NHS: variants seen among roughly 807,000 people sequenced by gnomAD.
NHS encodes the protein actin remodeling regulator NHS.
In NHS, 5 loss-of-function variants were observed where a neutral mutation model predicts 72.5. The observed-to-expected ratio is 0.07, with a 90% CI of 0.04 to 0.14. NHS has a LOEUF of 0.14. NHS is among the 10% of genes least tolerant of loss of function. NHS has a pLI of 1.00. For synonymous variants in NHS, 464 were observed against 547.7 expected, an observed-to-expected ratio of 0.85 and a Z score of 2.13; for missense variants, 1,072 against 1,355.7, an observed-to-expected ratio of 0.79 and a Z score of 3.29.
chrX:17,401,923 A>G (rs2064504573), intron 1 of NHS, among the ~76,000 whole-genome samples: 1 of 112,110 alleles, frequency 8.9e-6, no homozygotes, highest in Admixed American at 9.5e-5. Context: ...TATCATTTCA[A>G]GGTGCACAAT....
intron 1 of NHS, among the ~76,000 whole-genome samples, chrX:17,498,231 C>T (rs770016432): frequency 7.1e-4 from 79 of 112,007 alleles, no homozygotes; most frequent in Non-Finnish European, 1.3e-3. Context: ...CCAATGGAAA[C>T]GCCACCAGCA....
chrX:17,608,962 T>A (rs988354040), intron 1 of NHS, among the ~76,000 whole-genome samples: 1 of 111,983 alleles, frequency 8.9e-6, no homozygotes, highest in Non-Finnish European at 1.9e-5. Context: ...ACTGAGATCC[T>A]GGCTGTTGGG....
At chrX:17,620,497 A>T (rs1157421294) in intron 1 of NHS, among the ~76,000 whole-genome samples, 1 of 111,012 alleles carries the variant, frequency 9.0e-6, no homozygotes, top group Non-Finnish European at 1.9e-5. Context: ...ACAGTAGTGC[A>T]CAAGACAGAA....
chrX:17,708,145 C>A (rs922222987), intron 3 of NHS, among the ~76,000 whole-genome samples: 4 of 111,825 alleles, frequency 3.6e-5, no homozygotes, highest in African/African-American at 1.3e-4. Flanking sequence ...TCCTTTAAAC[C>A]AGTTAAGGAA....
chrX:17,687,645 AC>A (rs967969953), intron 1 of NHS, 96 bp from the exon 2 acceptor site: 2 of 987,037 alleles, frequency 2.0e-6, no homozygotes, highest in African/African-American at 3.8e-5. Flanking sequence ...CTTCCACTCC[AC>A]CCAGACTTTA....
At chrX:17,701,734 ATG>A (rs1296917293) in intron 3 of NHS, among the ~76,000 whole-genome samples, 1 of 110,362 alleles carries the variant, frequency 9.1e-6, no homozygotes, top group Non-Finnish European at 1.9e-5. Context: ...GATATTTGAT[ATG>A]TGTGTGTGTT....
intron 1 of NHS, among the ~76,000 whole-genome samples, chrX:17,617,991 A>C (rs1383455311): frequency 1.8e-5 from 2 of 112,072 alleles, no homozygotes; most frequent in Non-Finnish European, 3.8e-5. Flanking sequence ...AATGTGAAAA[A>C]TGTGTGCAGG....
At chrX:17,728,824 T>G in intron 8 of NHS, 49 bp downstream of exon 8, 1 of 1,206,143 alleles carries the variant, frequency 8.3e-7, no homozygotes, top group Admixed American at 2.2e-5. Flanking sequence ...CAACAAAGGT[T>G]TTGCCCCTTC....
intron 1 of NHS, among the ~76,000 whole-genome samples, chrX:17,382,217 C>A (rs1222474204): frequency 9.0e-6 from 1 of 111,520 alleles, no homozygotes; most frequent in East Asian, 2.8e-4. Context: ...TTTCATCGCC[C>A]AGGTAATTGC....
In NHS at chrX:17,720,739, G is replaced by A. The variant is rs2066401325; in HGVS notation, c.916-702G>A. ...CAAAGCTGAAAAGAAAGTAAACTAGGACTCTTTCACCTTTCCTAATTTGAA... is the reference window on the plus strand; with the variant it reads ...CAAAGCTGAAAAGAAAGTAAACTAGAACTCTTTCACCTTTCCTAATTTGAA... On this transcript the variant is annotated intron_variant, in intron 4 of 8. Transcript: ENST00000676302. 3.6e-5 allele frequency among the ~76,000 whole-genome samples: 4 copies of A among 112,331 alleles called. No individual in the cohort carries two copies. The Admixed American group carries it at 3.8e-4, about 11-fold the overall frequency.
At chrX:17,424,468 A>C (rs1217050254) in intron 1 of NHS, among the ~76,000 whole-genome samples, 1 of 111,853 alleles carries the variant, frequency 8.9e-6, no homozygotes, top group Non-Finnish European at 1.9e-5. Context: ...CCAAAGGTTT[A>C]TGCATTTGGG....
chrX:17,497,348 A>C lies in NHS; in HGVS notation c.565+121026A>C, dbSNP rs779582446. 7.1e-4 allele frequency among the ~76,000 whole-genome samples: 79 copies of C among 111,679 alleles called. 2 individuals carry two copies. Among genetic ancestry groups the C allele is most frequent in the Non-Finnish European group, 2.6e-4 (14 of 53,134 alleles). On this transcript the variant is annotated intron_variant, in intron 1 of 8. Transcript: ENST00000676302. Reference sequence around the variant, plus strand: ...CCTCTGTACTGTTGAGTTTATGATGAATTTGAGGCTTATGTGTATGTTGAG... The same window carrying C: ...CCTCTGTACTGTTGAGTTTATGATGCATTTGAGGCTTATGTGTATGTTGAG...
At chrX:17,647,151 G>GA (rs2065909630) in intron 1 of NHS, among the ~76,000 whole-genome samples, 2 of 111,471 alleles carry the variant, frequency 1.8e-5, no homozygotes, top group East Asian at 2.8e-4. Context: ...TAAGAAAAGG[G>GA]AAAAAAAAGC....
At chrX:17,676,717 C>T (rs186903104) in intron 1 of NHS, among the ~76,000 whole-genome samples, 54 of 112,281 alleles carry the variant, frequency 4.8e-4, no homozygotes, top group African/African-American at 1.7e-3. Context: ...CTGGTTTAAG[C>T]TCAGGCGTGG....
At chrX:17,548,489 G>A (rs2065305705) in intron 1 of NHS, among the ~76,000 whole-genome samples, 1 of 110,934 alleles carries the variant, frequency 9.0e-6, no homozygotes, top group Admixed American at 9.5e-5. Flanking sequence ...TCTTGACATG[G>A]ACATGATGGG....
intron 1 of NHS, among the ~76,000 whole-genome samples, chrX:17,566,183 ATATT>A (rs1181104979): frequency 9.2e-6 from 1 of 109,080 alleles, no homozygotes; most frequent in Admixed American, 9.8e-5. Flanking sequence ...GAATTTCACC[ATATT>A]GCCCAGGCTG....
chrX:17,689,205 A>G (rs1353780599), intron 2 of NHS, among the ~76,000 whole-genome samples: 1 of 110,362 alleles, frequency 9.1e-6, no homozygotes, highest in Non-Finnish European at 1.9e-5. Flanking sequence ...TTCCCTCCTC[A>G]TCTTTTTTCC....
chrX:17,515,916 A>G (rs1375841032), intron 1 of NHS, among the ~76,000 whole-genome samples: 2 of 111,224 alleles, frequency 1.8e-5, no homozygotes, highest in Admixed American at 9.6e-5. Context: ...TGTAGTCAAT[A>G]ATTTGTCACA....
chrX:17,712,425 C>G (rs2066340675), intron 3 of NHS, among the ~76,000 whole-genome samples: 1 of 99,034 alleles, frequency 1.0e-5, no homozygotes, highest in African/African-American at 3.7e-5. Context: ...GCAAAGTGCC[C>G]CTCAGGAGAA....
Sources: allele counts gnomAD v4.1 joint callset (sites outside exome capture counted in the v4.1 genomes callset), GRCh38; gene constraint gnomAD v4.1.1; transcripts MANE v1.5; gene names NCBI Gene and HGNC (gene_info 2026-07-23, HGNC 2026-07-21).